EDEM3: variants seen among roughly 807,000 people sequenced by gnomAD.
EDEM3 encodes the protein ER degradation-enhancing alpha-mannosidase-like protein 3.
EDEM3 carries 60 observed loss-of-function variants against 110.2 expected under a neutral mutation model. That is an observed-to-expected ratio of 0.54 (90% confidence interval 0.44 to 0.67). The LOEUF is 0.67. EDEM3 is among the 30% of genes least tolerant of loss of function. The probability of loss-of-function intolerance (pLI) is 0.00; values close to 1 mark genes in which losing one functional copy is unlikely to be tolerated. For missense variants in EDEM3, 996 were observed against 1,121.0 expected, an observed-to-expected ratio of 0.89 and a Z score of 1.59; for synonymous variants, 352 against 382.9, an observed-to-expected ratio of 0.92 and a Z score of 0.94.
chr1:184,721,922 C>T (rs1223024812), intron 8 of EDEM3, among the ~76,000 whole-genome samples: 1 of 151,746 alleles, frequency 6.6e-6, no homozygotes, highest in Non-Finnish European at 1.5e-5. Context: ...GAAGATGGTA[C>T]AATGCTATGA....
intron 12 of EDEM3, 55 bp downstream of exon 12, chr1:184,717,485 G>T: frequency 7.1e-7 from 1 of 1,413,374 alleles, no homozygotes; most frequent in Non-Finnish European, 9.8e-7. Context: ...AAGAATGAGA[G>T]ATCCAACAGA....
chr1:184,724,514 A>G (rs1034103816), intron 7 of EDEM3, among the ~76,000 whole-genome samples: 1 of 152,186 alleles, frequency 6.6e-6, no homozygotes, highest in African/African-American at 2.4e-5. Flanking sequence ...GCTTTGGATG[A>G]AAAGATGTTA....
At chr1:184,705,187 T>C (rs1649849750) in intron 18 of EDEM3, among the ~76,000 whole-genome samples, 1 of 152,182 alleles carries the variant, frequency 6.6e-6, no homozygotes. Flanking sequence ...TTTTAAACAT[T>C]AATGCATAAA....
chr1:184,694,580 G>A (rs577407896), intron 19 of EDEM3, 108 bp from the exon 20 acceptor site: 62 of 1,088,630 alleles, frequency 5.7e-5, no homozygotes, highest in Non-Finnish European at 7.5e-5. Context: ...ACGTGAAAGA[G>A]ACTCATGTTA....
At chr1:184,713,426 T>C (rs909811348) in intron 13 of EDEM3, among the ~76,000 whole-genome samples, 1 of 152,222 alleles carries the variant, frequency 6.6e-6, no homozygotes, top group Admixed American at 6.5e-5. Flanking sequence ...AATGTTATAA[T>C]GTTTTAACAA....
chr1:184,742,138 A>C (rs925817384), intron 2 of EDEM3, among the ~76,000 whole-genome samples: 1 of 152,130 alleles, frequency 6.6e-6, no homozygotes, highest in Non-Finnish European at 1.5e-5. Flanking sequence ...AACACTAAAC[A>C]CATAGGAAAG....
At chr1:184,718,442 C>T (rs12032144) in intron 11 of EDEM3, among the ~76,000 whole-genome samples, 59,278 of 151,852 alleles carry the variant, frequency 0.39, 12,334 homozygotes, top group East Asian at 0.6. Context: ...CCTACTCACC[C>T]GAAGGCTAAT....
intron 2 of EDEM3, among the ~76,000 whole-genome samples, chr1:184,744,096 T>C (rs1652285983): frequency 6.6e-6 from 1 of 151,404 alleles, no homozygotes; most frequent in African/African-American, 2.4e-5. Context: ...TTGATCATAA[T>C]TTAAAGTATT....
At chr1:184,743,857 G>A (rs868260393) in intron 2 of EDEM3, among the ~76,000 whole-genome samples, 1 of 151,380 alleles carries the variant, frequency 6.6e-6, no homozygotes, top group African/African-American at 2.4e-5. Context: ...TTCAACAAAT[G>A]GTGCTGGAAT....
At chr1:184,744,261 T>C (rs1418774467) in intron 2 of EDEM3, among the ~76,000 whole-genome samples, 2 of 60,670 alleles carry the variant, frequency 3.3e-5, no homozygotes, top group African/African-American at 1.3e-4. Context: ...TATATATATA[T>C]ATATATATAT....
At position 184,734,578 on chromosome 1, in the gene EDEM3, A is replaced by T; in HGVS notation, c.411T>A (p.Asp137Glu). 1 of 1,558,156 alleles carries T rather than the reference A, an allele frequency of 6.4e-7. No homozygotes were observed. Among genetic ancestry groups the T allele is most frequent in the South Asian group, 1.2e-5 (1 of 80,986 alleles). The change falls in exon 5 of 20, where the codon GAT becomes GAA. Residue 137 changes from aspartate to glutamate, a missense_variant. By Grantham distance (45) the Asp-to-Glu change is conservative. Transcript: ENST00000318130. The stretch of plus-strand genomic sequence containing the variant: ...CAAAGACTGATACGACTACATCGTT[A>T]TCTAAATTAACATCTCTTAAAACTT... Reference protein sequence around the residue: ...VRKVLRDVNLDNDVVVSVFET... With the variant: ...VRKVLRDVNLENDVVVSVFET...
chr1:184,717,012 C>T lies in EDEM3; in HGVS notation c.1246G>A (p.Ala416Thr). The T allele has an allele frequency of 6.2e-7, 1 of 1,604,090 alleles. No homozygotes were observed. The highest frequency in any genetic ancestry group is 1.7e-5 in the Admixed American group (1 of 59,710). ...FAESTYFLYK[A>T]TGDPYYLEVG... ...TCAAGGTAGTAAGGATCTCCTGTAG[C>T]CTATTAAAAAGGAGAATATATGTAT... The change falls in exon 13 of 20, where the codon GCT becomes ACT. Residue 416 changes from alanine (A) to threonine (T), a missense_variant and splice_region_variant. Physicochemically the swap from Ala to Thr is moderately conservative, Grantham distance 58 (BLOSUM62 0). This residue lies in a region of EDEM3 where 310 missense variants were observed against 394.6 expected (regional missense o/e 0.79). Transcript: ENST00000318130.
rs1651613196 is a variant in EDEM3 at position 184,733,002 on chromosome 1, G to C, written c.459-12C>G. 2 of 1,611,972 alleles carry C rather than the reference G, an allele frequency of 1.2e-6. No homozygotes were observed. Among genetic ancestry groups the C allele is most frequent in the Non-Finnish European group, 1.7e-6 (2 of 1,178,924 alleles). ...CACCCAAAAGACCCCTAGGATCACA[G>C]AGATGAAACATTATCCATATCTTAT... On this transcript the variant is annotated splice_polypyrimidine_tract_variant and intron_variant, in intron 5 of 19. Transcript: ENST00000318130.
chr1:184,714,684 T>C (rs954872336), intron 13 of EDEM3, among the ~76,000 whole-genome samples: 2 of 152,188 alleles, frequency 1.3e-5, no homozygotes, highest in Non-Finnish European at 2.9e-5. Context: ...ATCTAAACTA[T>C]AGATCATTGA....
Position 184,719,327 on chromosome 1 carries a change from T to C in EDEM3, c.1078-82A>G, listed in dbSNP as rs116800203. 1,903 of 1,517,220 alleles carry C rather than the reference T, an allele frequency of 1.3e-3. 31 individuals are homozygous for C. In the African/African-American group the frequency reaches 0.024, roughly 19 times the overall value. The allele number at this position is 1,517,220 out of a possible 1,614,324, so 94.0% of individuals were successfully genotyped here. A position where few individuals can be genotyped will look rare whatever the true frequency, so the allele number is the denominator to read the frequency against. ...ATCATTACATAAACAGAAAAATGTA[T>C]ACAAATACAATTCTGAACTGCAACT... is the stretch of plus-strand genomic sequence containing the variant. On this transcript the variant is annotated intron_variant, in intron 10 of 19. Coordinates refer to ENST00000318130, the MANE Select transcript of EDEM3 (RefSeq NM_025191.4).
intron 9 of EDEM3, among the ~76,000 whole-genome samples, chr1:184,720,252 C>T (rs938359655): frequency 1.3e-5 from 2 of 151,052 alleles, no homozygotes; most frequent in African/African-American, 4.9e-5. Flanking sequence ...CAATTAATGA[C>T]TTATTAACTT....
rs542717579 is a variant in EDEM3, at chr1:184,717,680, C to T, written c.1162-57G>A. On this transcript the variant is annotated intron_variant, in intron 11 of 19. Coordinates refer to ENST00000318130, the MANE Select transcript of EDEM3 (RefSeq NM_025191.4). ...AATGTGATTAAATACACAAGTAGTTCCAGAATATATAGAATATATATAAAT... is the reference window on the plus strand; with the variant it reads ...AATGTGATTAAATACACAAGTAGTTTCAGAATATATAGAATATATATAAAT... The T allele has an allele frequency of 1.1e-4, 144 of 1,337,536 alleles. 1 individual carries two copies. In the South Asian group the frequency reaches 1.6e-3, roughly 15 times the overall value. 82.9% of individuals were successfully genotyped at this position (1,337,536 alleles called of 1,614,324 possible).
At position 184,702,964 on chromosome 1, in the gene EDEM3, G is replaced by A. The variant is rs78444298; in HGVS notation, c.2236C>T (p.Pro746Ser). Residue 746 changes from proline (P) to serine (S), a missense_variant, in exon 19 of 20, where the codon CCT (proline) becomes TCT (serine). Around this residue, in one of 5 missense-constraint regions of EDEM3, gnomAD observed 345 missense variants for 402.0 expected, o/e 0.86. Coordinates refer to ENST00000318130, the MANE Select transcript of EDEM3 (RefSeq NM_025191.4). ...DNEGSSSDTA[P>S]LFQMAGDGKD... ...CCATCACCTGCCATCTGGAACAGAG[G>A]GGCAGTATCACTGCTGCTCCCCTCA... 25,833 of 1,611,476 alleles carry A rather than the reference G, an allele frequency of 0.016. 255 individuals carry two copies. Among genetic ancestry groups the A allele is most frequent in the Non-Finnish European group, 0.019 (22,195 of 1,178,916 alleles).
chr1:184,718,277 T>C (rs1650666578), intron 11 of EDEM3, among the ~76,000 whole-genome samples: 1 of 152,100 alleles, frequency 6.6e-6, no homozygotes, highest in Non-Finnish European at 1.5e-5. Flanking sequence ...TTGAAATTTA[T>C]TCAATAACAT....
Sources: allele counts gnomAD v4.1 joint callset (sites outside exome capture counted in the v4.1 genomes callset), GRCh38; gene constraint gnomAD v4.1.1; regional missense constraint gnomAD v4.1.1; transcripts MANE v1.5; gene names NCBI Gene and HGNC (gene_info 2026-07-23, HGNC 2026-07-21).